TMEM117: variants seen among roughly 807,000 people sequenced by gnomAD.
TMEM117 encodes the protein transmembrane protein 117.
A neutral mutation model predicts 52.4 loss-of-function variants in TMEM117; 27 were observed. That is an observed-to-expected ratio of 0.51 (90% CI 0.38 to 0.71). The LOEUF is 0.71. Ranked by LOEUF, TMEM117 falls within the 30% of genes least tolerant of loss-of-function variation. The probability of loss-of-function intolerance (pLI) is 0.00; values close to 1 mark genes in which losing one functional copy is unlikely to be tolerated. For synonymous variants in TMEM117, 215 were observed against 206.3 expected, an observed-to-expected ratio of 1.04 and a Z score of -0.36; for missense variants, 556 against 630.5, an observed-to-expected ratio of 0.88 and a Z score of 1.26.
In TMEM117 at chr12:44,188,432, G is replaced by A. The variant is rs138114902; in HGVS notation, c.511-22858G>A. On this transcript the variant is annotated intron_variant, in intron 4 of 7. Transcript: ENST00000266534. ...TCTGAGAGTATTGGAAGATTATTGT[G>A]GTTTCTAGAGTAAGTCAGCCCTAAC... 7.6e-4 allele frequency among the ~76,000 whole-genome samples: 115 copies of A among 152,180 alleles called. 2 individuals carry two copies. The highest frequency in any genetic ancestry group is 1.2e-3 in the Non-Finnish European group (81 of 67,984).
intron 2 of TMEM117, among the ~76,000 whole-genome samples, chr12:43,875,781 A>G (rs1340399974): frequency 6.6e-6 from 1 of 152,188 alleles, no homozygotes; most frequent in Non-Finnish European, 1.5e-5. Context: ...AACAGTGAAT[A>G]AGGGAAAGAA....
chr12:43,825,064 C>T, the TMEM117 span, among the ~76,000 whole-genome samples: 1 of 152,340 alleles, frequency 6.6e-6, no homozygotes, highest in African/African-American at 2.4e-5. Context: ...AACTGTATGC[C>T]ATTCAAGAAT....
At chr12:44,245,755 A>G (rs1950121597) in intron 5 of TMEM117, among the ~76,000 whole-genome samples, 1 of 152,068 alleles carries the variant, frequency 6.6e-6, no homozygotes, top group South Asian at 2.1e-4. Flanking sequence ...AACTCTGGAT[A>G]GTATAGTAAG....
chr12:44,340,055 A>G (rs1054940199), intron 6 of TMEM117, among the ~76,000 whole-genome samples: 4 of 152,100 alleles, frequency 2.6e-5, no homozygotes, highest in African/African-American at 4.8e-5. Flanking sequence ...CTGGATTAGG[A>G]TAGAGATTTG....
downstream of TMEM117, among the ~76,000 whole-genome samples, chr12:44,391,831 CTTAGGCAGCTA>C (rs2138883664): frequency 6.6e-6 from 1 of 152,258 alleles, no homozygotes; most frequent in East Asian, 1.9e-4. Flanking sequence ...TCAACTCATG[CTTAGGCAGCTA>C]CAAGTAGGGT....
chr12:44,065,238 G>C (rs1233078112), intron 3 of TMEM117, among the ~76,000 whole-genome samples: 1 of 152,024 alleles, frequency 6.6e-6, no homozygotes, highest in Non-Finnish European at 1.5e-5. Flanking sequence ...AATTTGCCGG[G>C]AGTTGTGATG....
At chr12:44,098,332 C>T (rs764308119) in intron 3 of TMEM117, among the ~76,000 whole-genome samples, 2 of 152,016 alleles carry the variant, frequency 1.3e-5, no homozygotes, top group African/African-American at 2.4e-5. Flanking sequence ...ATACTGTTCT[C>T]CACTTTCCAG....
At chr12:43,980,809 G>A (rs1431109407) in intron 3 of TMEM117, among the ~76,000 whole-genome samples, 2 of 152,180 alleles carry the variant, frequency 1.3e-5, no homozygotes, top group Non-Finnish European at 2.9e-5. Context: ...GGGCTGAAGA[G>A]AGTTAGCAGC....
chr12:43,857,584 T>C (rs1238286528), intron 2 of TMEM117, among the ~76,000 whole-genome samples: 1 of 152,168 alleles, frequency 6.6e-6, no homozygotes, highest in Non-Finnish European at 1.5e-5. Flanking sequence ...TATGGTAAAA[T>C]TGAAAATGAA....
At chr12:44,143,445 T>A in intron 3 of TMEM117, 80 bp from the exon 4 acceptor site, 1 of 1,027,782 alleles carries the variant, frequency 9.7e-7, no homozygotes, top group Non-Finnish European at 1.4e-6. Flanking sequence ...GAGAAGTCCC[T>A]TTGCCTGTTG....
At chr12:44,398,181 G>A in the TMEM117 span, among the ~76,000 whole-genome samples, 1 of 151,442 alleles carries the variant, frequency 6.6e-6, no homozygotes, top group Admixed American at 6.6e-5. Context: ...TCTGGACATT[G>A]AAGAAAACAG....
At chr12:44,131,700 T>G (rs1162047528) in intron 3 of TMEM117, among the ~76,000 whole-genome samples, 1 of 152,150 alleles carries the variant, frequency 6.6e-6, no homozygotes, top group African/African-American at 2.4e-5. Flanking sequence ...TTATCATTAG[T>G]AAGAATCCGT....
intron 3 of TMEM117, among the ~76,000 whole-genome samples, chr12:43,964,712 GGACT>G (rs746789505): frequency 3.3e-5 from 5 of 152,136 alleles, no homozygotes; most frequent in Non-Finnish European, 2.9e-5. Flanking sequence ...GTTAGACATT[GGACT>G]GACTGGTGGC....
chr12:44,158,535 A>G (rs775154954), intron 4 of TMEM117, among the ~76,000 whole-genome samples: 6 of 152,086 alleles, frequency 3.9e-5, no homozygotes, highest in Non-Finnish European at 8.8e-5. Context: ...ACTTGACAAG[A>G]CTCCACACAA....
At chr12:43,893,207 C>T (rs1253466624) in intron 2 of TMEM117, among the ~76,000 whole-genome samples, 1 of 152,094 alleles carries the variant, frequency 6.6e-6, no homozygotes, top group Admixed American at 6.5e-5. Flanking sequence ...AGGGACATGA[C>T]CTAATTTATA....
chr12:43,864,729 G>A (rs1204820141), intron 2 of TMEM117, among the ~76,000 whole-genome samples: 1 of 152,150 alleles, frequency 6.6e-6, no homozygotes, highest in Non-Finnish European at 1.5e-5. Context: ...TCTGTAAAAT[G>A]GACCAATCAG....
chr12:43,826,151 T>C, the TMEM117 span, among the ~76,000 whole-genome samples: 1 of 152,208 alleles, frequency 6.6e-6, no homozygotes, highest in African/African-American at 2.4e-5. Context: ...GTGCATGCAG[T>C]ATGTGGCAGG....
chr12:44,236,135 T>C (rs1194148248), intron 5 of TMEM117, among the ~76,000 whole-genome samples: 1 of 151,914 alleles, frequency 6.6e-6, no homozygotes, highest in African/African-American at 2.4e-5. Context: ...TAGATTGGTT[T>C]TCATTCCTCA....
intron 6 of TMEM117, among the ~76,000 whole-genome samples, chr12:44,300,994 C>T (rs1296205012): frequency 6.6e-6 from 1 of 152,138 alleles, no homozygotes; most frequent in Non-Finnish European, 1.5e-5. Context: ...TTTTTATCTT[C>T]CTCTATTTCC....
Sources: gnomAD v4.1 joint callset for allele counts (sites outside exome capture counted in the v4.1 genomes callset) on GRCh38, gnomAD v4.1.1 for gene constraint, MANE v1.5 for transcripts, NCBI Gene and HGNC (gene_info 2026-07-23, HGNC 2026-07-21) for gene names.